TEX14: variants seen among roughly 807,000 people sequenced by gnomAD.
TEX14 encodes the protein inactive serine/threonine-protein kinase TEX14.
A neutral mutation model predicts 178.6 loss-of-function variants in TEX14; 168 were observed. That is an observed-to-expected ratio of 0.94 (90% CI 0.83 to 1.07). TEX14 has a LOEUF of 1.07. Among genes scored for constraint, TEX14 ranks in the 50% least tolerant of loss-of-function variants. The pLI is 0.00. For synonymous variants in TEX14, 626 were observed against 634.1 expected (o/e 0.99, Z 0.19); for missense variants, 1,730 against 1,753.6 (o/e 0.99, Z 0.24).
Position 58,599,228 on chromosome 17 carries a change from G to T in TEX14, c.2117C>A (p.Pro706His), listed in dbSNP as rs1401832682. 1.2e-6 allele frequency: 2 copies of T among 1,613,850 alleles called. No homozygotes were observed. Among genetic ancestry groups the T allele is most frequent in the African/African-American group, 2.7e-5 (2 of 74,900 alleles). ...QNGSLSSLSL[P>H]ESTREAKSNL... ...GCTCTTGGCTTCTCTGGTTGACTCA[G>T]GAAGGCTGAGTGAACTGAGTGAACC... The change falls in exon 14 of 32, where the codon CCT becomes CAT. Residue 706 changes from proline (P) to histidine (H), a missense_variant. By Grantham distance (77) the Pro-to-His change is moderately conservative. This residue lies in a region of TEX14 where 941 missense variants were observed against 1,072.4 expected (regional missense o/e 0.88). Transcript: ENST00000349033.
intron 2 of TEX14, among the ~76,000 whole-genome samples, chr17:58,638,532 G>T (rs2046491561): frequency 6.6e-6 from 1 of 152,040 alleles, no homozygotes; most frequent in Admixed American, 6.6e-5. Flanking sequence ...GGATGAGATT[G>T]GAGACTATAA....
At chr17:58,636,934 G>C (rs2046447628) in intron 2 of TEX14, among the ~76,000 whole-genome samples, 2 of 144,822 alleles carry the variant, frequency 1.4e-5, no homozygotes, top group Admixed American at 1.4e-4. Flanking sequence ...AAGAAAGAAA[G>C]ATTTATTTGG....
chr17:58,610,566 C>T (rs1022152114), intron 10 of TEX14, among the ~76,000 whole-genome samples: 28 of 152,104 alleles, frequency 1.8e-4, no homozygotes, highest in Admixed American at 1.6e-3. Context: ...GCAATGTGAG[C>T]GAGAAATACA....
At chr17:58,574,822 ACT>A (rs2044637839) in intron 21 of TEX14, among the ~76,000 whole-genome samples, 2 of 151,950 alleles carry the variant, frequency 1.3e-5, no homozygotes, top group South Asian at 2.1e-4. Context: ...TCAGTTAAAG[ACT>A]CTATACGACT....
chr17:58,604,268 C>T (rs1367648809), intron 11 of TEX14, among the ~76,000 whole-genome samples: 4 of 151,242 alleles, frequency 2.6e-5, no homozygotes, highest in African/African-American at 2.4e-5. Flanking sequence ...GTCAAGCGAT[C>T]GAGACCAGCC....
At chr17:58,610,074 A>G (rs2045709005) in intron 10 of TEX14, among the ~76,000 whole-genome samples, 1 of 152,178 alleles carries the variant, frequency 6.6e-6, no homozygotes. Flanking sequence ...AGCGCAGGGG[A>G]GAGCCTCTGC....
intron 28 of TEX14, among the ~76,000 whole-genome samples, chr17:58,563,276 C>T (rs1001357974): frequency 6.6e-6 from 1 of 151,944 alleles, no homozygotes; most frequent in Non-Finnish European, 1.5e-5. Context: ...GCAAAAAGAG[C>T]TCCAAATCAG....
chr17:58,561,433 C>T, intron 29 of TEX14, 87 bp downstream of exon 29: 1 of 881,268 alleles, frequency 1.1e-6, no homozygotes, highest in Non-Finnish European at 1.9e-6. Context: ...GTAATGCCAT[C>T]ATCAGGCATT....
In TEX14 at chr17:58,564,927, C is replaced by CT; in HGVS notation, c.4005dup (p.Glu1336ArgfsTer3). The CT allele has an allele frequency of 6.2e-7, 1 of 1,610,014 alleles. No homozygotes were observed. Among genetic ancestry groups the CT allele is most frequent in the Non-Finnish European group, 8.5e-7 (1 of 1,178,026 alleles). ...TTGGACAAAAGCATACTACTATCTT[C>CT]TTTTTTACTGTCAGTTTCTTGTTCT... On this transcript the variant is annotated frameshift_variant, in exon 28 of 32. Transcript: ENST00000349033. LOFTEE classifies it high-confidence loss of function.
At chr17:58,688,914 ATTTTGT>A (rs1401575990) in intron 1 of TEX14, among the ~76,000 whole-genome samples, 3 of 151,808 alleles carry the variant, frequency 2.0e-5, no homozygotes, top group Non-Finnish European at 2.9e-5. Flanking sequence ...TTACCCCCAC[ATTTTGT>A]TTTTATTTCT....
At chr17:58,610,938 C>T (rs775472914) in intron 10 of TEX14, among the ~76,000 whole-genome samples, 29 of 151,860 alleles carry the variant, frequency 1.9e-4, no homozygotes, top group Non-Finnish European at 3.4e-4. Flanking sequence ...CATTTATGCA[C>T]ATTGGCTAAT....
At chr17:58,623,691 T>C (rs2046057532) in intron 3 of TEX14, among the ~76,000 whole-genome samples, 1 of 151,410 alleles carries the variant, frequency 6.6e-6, no homozygotes, top group South Asian at 2.1e-4. Flanking sequence ...CAGGGAACTT[T>C]CTCTCTTTAA....
In TEX14 at chr17:58,577,476, A is replaced by T. The variant is rs565978517; in HGVS notation, c.3239-20T>A. On this transcript the variant is annotated intron_variant, in intron 20 of 31. Coordinates refer to ENST00000349033, the MANE Select transcript of TEX14 (RefSeq NM_031272.5). Reference sequence around the variant, plus strand: ...CCTCACCTGAAAGAATAAAGTTAAAAATATATATATATATTTTTTTTTACT... The same window carrying T: ...CCTCACCTGAAAGAATAAAGTTAAATATATATATATATATTTTTTTTTACT... 8 of 959,632 alleles carry T rather than the reference A, an allele frequency of 8.3e-6. No individual in the cohort carries two copies. The highest frequency in any genetic ancestry group is 1.2e-5 in the Non-Finnish European group (8 of 682,328). 59.4% of individuals were successfully genotyped at this position (959,632 alleles called of 1,614,324 possible).
intron 2 of TEX14, chr17:58,631,637 C>T (rs1240612803): frequency 2.0e-5 from 3 of 150,944 alleles, no homozygotes; most frequent in Admixed American, 6.6e-5. Context: ...AAAAAAAACC[C>T]AGAACTACTC....
At position 58,617,538 on chromosome 17, in the gene TEX14, C is replaced by T; in HGVS notation, c.636G>A (p.Lys212=). The T allele has an allele frequency of 1.2e-6, 2 of 1,612,858 alleles. No individual in the cohort carries two copies. Among genetic ancestry groups the T allele is most frequent in the Non-Finnish European group, 8.5e-7 (1 of 1,179,240 alleles). ...CTGGCTGTCAGTGGCAACCTCTTAC[C>T]TTCCCAAAACCAAAGCTGTAGATAT... The part of the protein sequence containing the change: ...AQNIYSFGFG[K]FYLTGATQMA... The change falls in exon 6 of 32, where the codon AAG becomes AAA. Residue 212 remains lysine (K), a splice_region_variant and synonymous_variant. Coordinates refer to ENST00000349033, the MANE Select transcript of TEX14 (RefSeq NM_031272.5).
At position 58,557,794 on chromosome 17, in the gene TEX14, A is replaced by G. The variant is rs2044176281; in HGVS notation, c.4319+5T>C. 1 of 1,609,020 alleles carries G rather than the reference A, an allele frequency of 6.2e-7. No individual in the cohort carries two copies. The highest frequency in any genetic ancestry group is 1.3e-5 in the African/African-American group (1 of 74,786). On this transcript the variant is annotated splice_donor_5th_base_variant and intron_variant, in intron 31 of 31. Transcript: ENST00000349033. ...TTGATCTACAAACATCTGATATTTC[A>G]TTACCTGGATGATTCGGACCAACCT...
chr17:58,598,423 C>T (rs975749254), intron 14 of TEX14, among the ~76,000 whole-genome samples: 1 of 151,932 alleles, frequency 6.6e-6, no homozygotes, highest in African/African-American at 2.4e-5. Flanking sequence ...GAGATTAATA[C>T]CTATCCAAGA....
At chr17:58,564,394 A>G (rs2044353357) in intron 28 of TEX14, 1 of 152,364 alleles carries the variant, frequency 6.6e-6, no homozygotes, top group Non-Finnish European at 1.5e-5. Flanking sequence ...ACATTACGCT[A>G]AGTTAAAATA....
At chr17:58,609,392 C>A (rs181970798) in intron 10 of TEX14, among the ~76,000 whole-genome samples, 2 of 152,006 alleles carry the variant, frequency 1.3e-5, no homozygotes, top group African/African-American at 2.4e-5. Flanking sequence ...TACAGGCATG[C>A]GCCACCACGC....
Sources: gnomAD v4.1 joint callset for allele counts (sites outside exome capture counted in the v4.1 genomes callset) on GRCh38, gnomAD v4.1.1 for gene constraint, gnomAD v4.1.1 regional missense constraint, MANE v1.5 for transcripts, NCBI Gene and HGNC (gene_info 2026-07-23, HGNC 2026-07-21) for gene names.